Variants in ARHGAP22 observed in about 807,000 individuals in gnomAD.
ARHGAP22 encodes Rho GTPase activating protein 22, also known as rho GTPase-activating protein 22.
In ARHGAP22, 48 loss-of-function variants were observed where a neutral mutation model predicts 59.1. The ratio of observed to expected loss-of-function variants is 0.81; its 90% CI spans 0.64 to 1.03. The LOEUF (loss-of-function observed/expected upper bound fraction) is 1.03, where lower values mean the gene tolerates loss of function less well. Among genes scored for constraint, ARHGAP22 ranks in the 50% least tolerant of loss-of-function variants. ARHGAP22 has a pLI of 0.00. For synonymous variants in ARHGAP22, 445 were observed against 416.4 expected (o/e 1.07, Z -0.84); for missense variants, 1,015 against 958.7 (o/e 1.06, Z -0.78).
At chr10:48,433,845 C>T in the ARHGAP22 span, among the ~76,000 whole-genome samples, 1 of 152,166 alleles carries the variant, frequency 6.6e-6, no homozygotes, top group Non-Finnish European at 1.5e-5. Flanking sequence ...TCTTTGGGTG[C>T]CTGAACCTCA....
chr10:48,501,377 A>C (rs2051504136), intron 3 of ARHGAP22, among the ~76,000 whole-genome samples: 1 of 152,234 alleles, frequency 6.6e-6, no homozygotes, highest in South Asian at 2.1e-4. Context: ...TTCTCACACC[A>C]CGTGTTCCAG....
intron 2 of ARHGAP22, among the ~76,000 whole-genome samples, chr10:48,567,094 T>C (rs1260089767): frequency 6.6e-6 from 1 of 152,204 alleles, no homozygotes; most frequent in Non-Finnish European, 1.5e-5. Flanking sequence ...AAAGTTCTGG[T>C]TGCTCTGTGG....
intron 1 of ARHGAP22, among the ~76,000 whole-genome samples, chr10:48,635,232 C>T (rs1427162643): frequency 6.6e-6 from 1 of 152,158 alleles, no homozygotes; most frequent in African/African-American, 2.4e-5. Context: ...ACCCCCACTT[C>T]TGCACTGGGC....
intron 1 of ARHGAP22, among the ~76,000 whole-genome samples, chr10:48,649,735 G>T (rs2062471331): frequency 6.6e-6 from 1 of 152,126 alleles, no homozygotes; most frequent in Non-Finnish European, 1.5e-5. Flanking sequence ...TGAGGGTGCT[G>T]CCCACTGCTG....
intron 1 of ARHGAP22, among the ~76,000 whole-genome samples, chr10:48,632,548 T>A (rs1280391858): frequency 1.3e-5 from 2 of 152,190 alleles, no homozygotes; most frequent in African/African-American, 4.8e-5. Flanking sequence ...CTTTCAAGAT[T>A]TTCTCTGTCT....
intron 3 of ARHGAP22, among the ~76,000 whole-genome samples, chr10:48,491,339 C>A (rs2050369297): frequency 6.6e-6 from 1 of 152,252 alleles, no homozygotes; most frequent in South Asian, 2.1e-4. Flanking sequence ...CCTTGCAGCA[C>A]TGGCCCCCTT....
chr10:48,493,731 TC>T, intron 3 of ARHGAP22: 6 of 1,184,122 alleles, frequency 5.1e-6, no homozygotes, highest in Non-Finnish European at 6.6e-6. Context: ...CTTGCTGGGA[TC>T]CCCGCCAGTG....
chr10:48,450,980 G>A lies in ARHGAP22; in HGVS notation c.1149C>T (p.Pro383=), dbSNP rs762732037. 2 of 1,563,668 alleles carry A rather than the reference G, an allele frequency of 1.3e-6. No homozygotes were observed. Among genetic ancestry groups the A allele is most frequent in the Non-Finnish European group, 1.7e-6 (2 of 1,154,778 alleles). ...TGTGCGCGGGCAGGCCGGGGCCGCCGGGCTCTCCTTGGCTGTCCCTGGTGA... is the reference window on the plus strand; with the variant it reads ...TGTGCGCGGGCAGGCCGGGGCCGCCAGGCTCTCCTTGGCTGTCCCTGGTGA... ...EEVTRDSQGE[P]GGPGLPAHRT... is the part of the protein sequence containing the mutation. The change falls in exon 9 of 10, where the codon CCC becomes CCT. Residue 383 remains proline (P), a synonymous_variant. Coordinates refer to ENST00000249601, the MANE Select transcript of ARHGAP22 (RefSeq NM_021226.4).
chr10:48,487,247 T>A (rs943387636), intron 3 of ARHGAP22, among the ~76,000 whole-genome samples: 13 of 152,332 alleles, frequency 8.5e-5, no homozygotes, highest in African/African-American at 3.1e-4. Flanking sequence ...TTTTTCTCTG[T>A]GTGTTTTATC....
chr10:48,491,334 C>A (rs2050368681), intron 3 of ARHGAP22, among the ~76,000 whole-genome samples: 1 of 152,224 alleles, frequency 6.6e-6, no homozygotes, highest in Non-Finnish European at 1.5e-5. Flanking sequence ...GCTGTCCTTG[C>A]AGCACTGGCC....
chr10:48,650,322 G>C (rs560473187), intron 1 of ARHGAP22, among the ~76,000 whole-genome samples: 7 of 152,094 alleles, frequency 4.6e-5, no homozygotes, highest in African/African-American at 9.7e-5. Context: ...AGCCAGACAC[G>C]AGGCTTCATA....
chr10:48,593,014 G>C (rs10430610), intron 1 of ARHGAP22, among the ~76,000 whole-genome samples: 56,661 of 152,084 alleles, frequency 0.37, 11,649 homozygotes, highest in East Asian at 0.6. Flanking sequence ...ACGGCCTCTC[G>C]GCCTCCTTTA....
intron 3 of ARHGAP22, among the ~76,000 whole-genome samples, chr10:48,480,229 T>C (rs1325694264): frequency 6.6e-6 from 1 of 152,170 alleles, no homozygotes; most frequent in African/African-American, 2.4e-5. Context: ...CCGTATATAT[T>C]AAGGTCACAG....
rs552840875 is a variant in ARHGAP22 at position 48,598,353 on chromosome 10, T to TG, written c.34+6409dup. Among the ~76,000 whole-genome samples, 423 of 152,090 alleles carry TG rather than the reference T, an allele frequency of 2.8e-3. 1 individual carries two copies. The highest frequency in any genetic ancestry group is 4.1e-3 in the Admixed American group (63 of 15,276). ...ATGGACTGGTGGCCTAAGGGCTGGG[T>TG]GGAGGGTGGTGGCTGGGAGTGTTTG... is the stretch of plus-strand genomic sequence containing the variant. On this transcript the variant is annotated intron_variant, in intron 1 of 9. Coordinates refer to ENST00000249601, the MANE Select transcript of ARHGAP22 (RefSeq NM_021226.4).
At chr10:48,585,076 G>C (rs1262209253) in intron 1 of ARHGAP22, among the ~76,000 whole-genome samples, 1 of 152,142 alleles carries the variant, frequency 6.6e-6, no homozygotes. Context: ...AAAGCTGAGT[G>C]TTGAGAGAGA....
chr10:48,636,959 T>C (rs1440267643), intron 1 of ARHGAP22, among the ~76,000 whole-genome samples: 1 of 152,040 alleles, frequency 6.6e-6, no homozygotes, highest in African/African-American at 2.4e-5. Context: ...AGGGCCGGAG[T>C]CTGAGAGGCT....
chr10:48,639,043 G>T (rs1248018124), intron 1 of ARHGAP22, among the ~76,000 whole-genome samples: 3 of 152,214 alleles, frequency 2.0e-5, no homozygotes, highest in Non-Finnish European at 4.4e-5. Context: ...TCTAAACTTT[G>T]AGTAAGAACA....
At position 48,481,139 on chromosome 10, in the gene ARHGAP22, G is replaced by A. The variant is rs550119257; in HGVS notation, c.323-1375C>T. 5.3e-5 allele frequency among the ~76,000 whole-genome samples: 8 copies of A among 152,348 alleles called. No homozygotes were observed. The South Asian group carries it at 1.0e-3, about 20-fold the overall frequency. ...GCTGGGCAGCAGAGCTGTGGAGGTC[G>A]GTAGGAAGGAAGCTGGAGGCTGAGA... On this transcript the variant is annotated intron_variant, in intron 3 of 9. Transcript: ENST00000249601.
At chr10:48,650,531 C>G (rs1196039027) in intron 1 of ARHGAP22, among the ~76,000 whole-genome samples, 1 of 152,194 alleles carries the variant, frequency 6.6e-6, no homozygotes, top group East Asian at 1.9e-4. Context: ...TTGCCACTGA[C>G]TTTTACACTT....
Sources: gnomAD v4.1 joint callset for allele counts (sites outside exome capture counted in the v4.1 genomes callset) on GRCh38, gnomAD v4.1.1 for gene constraint, MANE v1.5 for transcripts, NCBI Gene and HGNC (gene_info 2026-07-23, HGNC 2026-07-21) for gene names.